MYT1L: variants seen among roughly 807,000 people sequenced by gnomAD.
MYT1L encodes the protein myelin transcription factor 1-like protein.
In MYT1L, 12 loss-of-function variants were observed where a neutral mutation model predicts 126.7. The ratio of observed to expected loss-of-function variants is 0.09; its 90% CI spans 0.06 to 0.15. The LOEUF (loss-of-function observed/expected upper bound fraction) is 0.15, where lower values mean the gene tolerates loss of function less well. MYT1L is among the 10% of genes least tolerant of loss of function. The pLI is 1.00. For synonymous variants in MYT1L, 541 were observed against 604.2 expected (o/e 0.90, Z 1.53); for missense variants, 979 against 1,585.2 (o/e 0.62, Z 6.49).
At chr2:2,044,240 A>ATAAATCATTGCACAATTT (rs1234755409) in intron 4 of MYT1L, among the ~76,000 whole-genome samples, 3 of 152,262 alleles carry the variant, frequency 2.0e-5, no homozygotes, top group African/African-American at 7.2e-5. Context: ...ATACTTGTCT[A>ATAAATCATTGCACAATTT]TAAATCATTG....
At chr2:2,166,889 T>C (rs2089224937) in intron 3 of MYT1L, among the ~76,000 whole-genome samples, 1 of 152,222 alleles carries the variant, frequency 6.6e-6, no homozygotes, top group Non-Finnish European at 1.5e-5. Flanking sequence ...GCTTCTCTTC[T>C]GCATCCTGCT....
chr2:2,107,405 G>C (rs537953468), intron 3 of MYT1L, among the ~76,000 whole-genome samples: 97 of 152,336 alleles, frequency 6.4e-4, no homozygotes, highest in African/African-American at 2.2e-3. Flanking sequence ...TACAACAGCA[G>C]AGGCCAGAAG....
At chr2:2,204,460 C>T (rs2093225831) in intron 2 of MYT1L, among the ~76,000 whole-genome samples, 1 of 150,106 alleles carries the variant, frequency 6.7e-6, no homozygotes, top group Non-Finnish European at 1.5e-5. Context: ...AGGATATGAA[C>T]AGACACTTCT....
intron 2 of MYT1L, among the ~76,000 whole-genome samples, chr2:2,220,041 T>G (rs961872930): frequency 6.6e-6 from 1 of 151,796 alleles, no homozygotes; most frequent in Non-Finnish European, 1.5e-5. Flanking sequence ...ATTTGCACAG[T>G]GAGTGGAGAA....
At chr2:1,845,151 G>C (rs941288126) in intron 19 of MYT1L, among the ~76,000 whole-genome samples, 2 of 151,970 alleles carry the variant, frequency 1.3e-5, no homozygotes, top group African/African-American at 4.8e-5. Context: ...GATAATTTTT[G>C]TATTTTTAGT....
intron 1 of MYT1L, chr2:2,305,912 G>A (rs1487479107): frequency 2.0e-5 from 3 of 152,272 alleles, no homozygotes; most frequent in African/African-American, 7.2e-5. Context: ...GTTGGGTGGG[G>A]ACACAGAGCC....
chr2:2,328,715 T>C (rs940343795), intron 1 of MYT1L, among the ~76,000 whole-genome samples: 1 of 152,196 alleles, frequency 6.6e-6, no homozygotes, highest in Non-Finnish European at 1.5e-5. Flanking sequence ...TTGGATAAAA[T>C]TTTCCAGTTG....
intron 1 of MYT1L, among the ~76,000 whole-genome samples, chr2:2,296,269 C>A (rs1573303132): frequency 6.6e-6 from 1 of 151,636 alleles, no homozygotes; most frequent in Non-Finnish European, 1.5e-5. Flanking sequence ...CCTTTTAAAA[C>A]AAGTGGAAGA....
At chr2:1,919,890 G>A (rs925367710) in intron 10 of MYT1L, among the ~76,000 whole-genome samples, 6 of 151,984 alleles carry the variant, frequency 3.9e-5, no homozygotes, top group African/African-American at 7.2e-5. Flanking sequence ...CACCACGCCC[G>A]GCTGACTTTT....
At chr2:2,249,559 C>A (rs1164203580) in intron 2 of MYT1L, among the ~76,000 whole-genome samples, 2 of 151,896 alleles carry the variant, frequency 1.3e-5, no homozygotes, top group African/African-American at 4.8e-5. Context: ...TGTAAGACCT[C>A]AAACTATGAA....
intron 1 of MYT1L, among the ~76,000 whole-genome samples, chr2:2,287,941 C>T (rs1003912529): frequency 6.6e-6 from 1 of 152,128 alleles, no homozygotes; most frequent in Admixed American, 6.5e-5. Context: ...AAACACAAGG[C>T]CTTACATTAA....
chr2:1,903,275 G>T lies in MYT1L; in HGVS notation c.1837C>A (p.Gln613Lys), dbSNP rs2050588362. ...TAGCCATACTGAGGAATCTCCAGCTGCTTCACAAAGCACATTGGCCTGGAA... is the reference window on the plus strand; with the variant it reads ...TAGCCATACTGAGGAATCTCCAGCTTCTTCACAAAGCACATTGGCCTGGAA... ...RVLRPMCFVKQLEIPQYGYRN... is the reference protein window; with the variant it reads ...RVLRPMCFVKKLEIPQYGYRN... Residue 613 changes from glutamine (Q) to lysine (K), a missense_variant, in exon 14 of 25, where the codon CAG becomes AAG. Gln to Lys is a moderately conservative substitution (Grantham distance 53). This residue lies in a region of MYT1L where 82 missense variants were observed against 177.2 expected (regional missense o/e 0.46). Transcript: ENST00000647738. 6.2e-7 allele frequency: 1 copy of T among 1,613,002 alleles called. No homozygotes were observed. The highest frequency in any genetic ancestry group is 8.5e-7 in the Non-Finnish European group (1 of 1,179,392).
At position 2,216,160 on chromosome 2, in the gene MYT1L, G is replaced by A. The variant is rs538119883; in HGVS notation, c.-420-43172C>T. On this transcript the variant is annotated intron_variant, in intron 2 of 24. Transcript: ENST00000647738. ...ATTCCTGTACAGCCTGCAGAACTGT[G>A]AGCCAATTAAACCTCTTTTCTTTAT... Among the ~76,000 whole-genome samples, 292 of 152,198 alleles carry A rather than the reference G, an allele frequency of 1.9e-3. 3 individuals are homozygous for A. Among genetic ancestry groups the A allele is most frequent in the Non-Finnish European group, 1.8e-3 (125 of 68,016 alleles).
intron 21 of MYT1L, chr2:1,825,522 T>C (rs1248610120): frequency 3.9e-5 from 6 of 152,194 alleles, no homozygotes; most frequent in Admixed American, 1.3e-4. Context: ...AATCAAAAGA[T>C]TGGAATTACA....
At chr2:2,241,071 A>G (rs2094430946) in intron 2 of MYT1L, among the ~76,000 whole-genome samples, 1 of 152,116 alleles carries the variant, frequency 6.6e-6, no homozygotes. Flanking sequence ...AGCCCCTTTT[A>G]TTTATTCTTG....
At chr2:1,863,593 A>C (rs10169227) in intron 18 of MYT1L, among the ~76,000 whole-genome samples, 1 of 150,076 alleles carries the variant, frequency 6.7e-6, no homozygotes, top group Admixed American at 6.6e-5. Context: ...GGCATGTCCC[A>C]CTCCAGGCCC....
intron 4 of MYT1L, among the ~76,000 whole-genome samples, chr2:2,003,313 G>A (rs1403947980): frequency 1.3e-5 from 2 of 152,162 alleles, no homozygotes; most frequent in African/African-American, 2.4e-5. Context: ...AAAGTCAGCA[G>A]GTAGGAGGGT....
chr2:2,172,286 C>T (rs779262973), intron 3 of MYT1L, among the ~76,000 whole-genome samples: 7 of 151,640 alleles, frequency 4.6e-5, no homozygotes, highest in Non-Finnish European at 8.8e-5. Flanking sequence ...ATTCTGTGTG[C>T]AGTGATTCTA....
In MYT1L at chr2:2,186,589, A is replaced by G. The variant is rs116649718; in HGVS notation, c.-420-13601T>C. ...TTTGTAAAGTCTCCATGTCTCCCCA[A>G]GAAGTCACGTTCTGCAGACCCGTCA... On this transcript the variant is annotated intron_variant, in intron 2 of 24. Transcript: ENST00000647738. 7.5e-3 allele frequency among the ~76,000 whole-genome samples: 1,146 copies of G among 152,316 alleles called. 19 individuals carry two copies. Among genetic ancestry groups the G allele is most frequent in the African/African-American group, 0.026 (1,095 of 41,554 alleles).
Sources: gnomAD v4.1 joint callset for allele counts (sites outside exome capture counted in the v4.1 genomes callset) on GRCh38, gnomAD v4.1.1 for gene constraint, gnomAD v4.1.1 regional missense constraint, MANE v1.5 for transcripts, NCBI Gene and HGNC (gene_info 2026-07-23, HGNC 2026-07-21) for gene names.